Variants in MICAL2 observed in about 807,000 individuals in gnomAD.
MICAL2 encodes the protein microtubule associated monooxygenase, calponin and LIM domain containing 2.
MICAL2 carries 77 observed loss-of-function variants against 127.3 expected under a neutral mutation model. That is an observed-to-expected ratio of 0.60 (90% CI 0.50 to 0.73). The LOEUF (loss-of-function observed/expected upper bound fraction) is 0.73, where lower values mean the gene tolerates loss of function less well. Among genes scored for constraint, MICAL2 ranks in the 30% least tolerant of loss-of-function variants. The pLI is 0.00. For missense variants in MICAL2, 1,351 were observed against 1,434.4 expected, an observed-to-expected ratio of 0.94 and a Z score of 0.94; for synonymous variants, 570 against 551.1, an observed-to-expected ratio of 1.03 and a Z score of -0.48.
At chr11:12,223,150 T>C (rs2134291052) in intron 11 of MICAL2, among the ~76,000 whole-genome samples, 1 of 152,318 alleles carries the variant, frequency 6.6e-6, no homozygotes, top group East Asian at 1.9e-4. Flanking sequence ...CAGAAAATTG[T>C]GTGAATTTTT....
chr11:12,267,247 C>T (rs533301142), downstream of MICAL2, among the ~76,000 whole-genome samples: 1 of 152,202 alleles, frequency 6.6e-6, no homozygotes, highest in African/African-American at 2.4e-5. Flanking sequence ...TGCCCAGCTG[C>T]CCGCTTGCTC....
intron 2 of MICAL2, among the ~76,000 whole-genome samples, chr11:12,155,864 T>C (rs1005796438): frequency 1.3e-5 from 2 of 152,172 alleles, no homozygotes; most frequent in African/African-American, 4.8e-5. Context: ...CAGATGTTTC[T>C]TGATGCCAGG....
At position 12,208,129 on chromosome 11, in the gene MICAL2, A is replaced by G. The variant is rs1354654695; in HGVS notation, c.579A>G (p.Gln193=). 1 of 1,610,930 alleles carries G rather than the reference A, an allele frequency of 6.2e-7. No homozygotes were observed. The highest frequency in any genetic ancestry group is 8.5e-7 in the Non-Finnish European group (1 of 1,177,180). Residue 193 remains glutamine (Q), a synonymous_variant, in exon 5 of 28, where the codon CAA becomes CAG. Transcript: ENST00000683283. Reference sequence around the variant, plus strand: ...AGGTTCTAGAGCCTCCTGAAGATCAAGAAAATCAAAGTACAGTATAATTTT... The same window carrying G: ...AGGTTCTAGAGCCTCCTGAAGATCAGGAAAATCAAAGTACAGTATAATTTT... ...FVKVLEPPED[Q]ENQKIGWRAE... is the part of the protein sequence containing the mutation.
intron 1 of MICAL2, chr11:12,280,884 A>G (rs3993132): frequency 0.33 from 131,958 of 398,216 alleles, 24,535 homozygotes; most frequent in East Asian, 0.68. Context: ...GTGTTGGGGC[A>G]TGGGTTCCAG....
exon 35 of MICAL2, chr11:12,358,296 G>C (rs745793092): frequency 1.2e-6 from 2 of 1,611,742 alleles, no homozygotes; most frequent in African/African-American, 2.7e-5. Flanking sequence ...TTTCTTTAGA[G>C]AGCCAGAAAG....
intron 30 of MICAL2, among the ~76,000 whole-genome samples, chr11:12,322,757 T>C (rs540317927): frequency 2.8e-4 from 43 of 152,304 alleles, no homozygotes; most frequent in South Asian, 2.7e-3. Context: ...ACAAAAATCA[T>C]AATAGATTTT....
rs2134915253 is a variant in MICAL2, at chr11:12,358,051, C to T, written c.5690-244C>T. Reference sequence around the variant, plus strand: ...GGCTGGTATTAAATTCCTTTTCTTACAAAGGGGTTTTCCCTGTCGCTTTGT... The same window carrying T: ...GGCTGGTATTAAATTCCTTTTCTTATAAAGGGGTTTTCCCTGTCGCTTTGT... On this transcript the variant is annotated intron_variant, in intron 34 of 34. Coordinates refer to the MICAL2 transcript ENST00000646065. Among the ~76,000 whole-genome samples the T allele has an allele frequency of 2.0e-5, 3 of 152,196 alleles. No homozygotes were observed. In the South Asian group the frequency reaches 6.2e-4, roughly 32 times the overall value.
intron 1 of MICAL2, among the ~76,000 whole-genome samples, chr11:12,133,674 C>T (rs1851608652): frequency 6.6e-6 from 1 of 152,080 alleles, no homozygotes. Flanking sequence ...GTTTTACAGC[C>T]TGTTGGCTGG....
At chr11:12,136,550 A>C (rs1429761385) in intron 1 of MICAL2, among the ~76,000 whole-genome samples, 1 of 152,128 alleles carries the variant, frequency 6.6e-6, no homozygotes, top group African/African-American at 2.4e-5. Flanking sequence ...GGAGGGGGGC[A>C]GCTGAATGGG....
intron 33 of MICAL2, among the ~76,000 whole-genome samples, chr11:12,350,527 C>T (rs1484256320): frequency 6.6e-6 from 1 of 152,110 alleles, no homozygotes; most frequent in Non-Finnish European, 1.5e-5. Context: ...ATAAGTTGTG[C>T]TGGGTGCTTC....
Position 12,284,912 on chromosome 11 carries a change from A to T in MICAL2, c.255-2175A>T, listed in dbSNP as rs4757336. Among the ~76,000 whole-genome samples, 519 of 152,092 alleles carry T rather than the reference A, an allele frequency of 3.4e-3. 1 individual carries two copies. Among genetic ancestry groups the T allele is most frequent in the African/African-American group, 0.012 (485 of 41,446 alleles). On this transcript the variant is annotated intron_variant, in intron 2 of 2. Transcript: ENST00000529028. ...AGCGCCTCCAAATGTAACCACCCGA[A>T]GGGTTCTCCTTGCCTGCTGCCTAGA...
intron 32 of MICAL2, among the ~76,000 whole-genome samples, chr11:12,342,928 G>T (rs575929006): frequency 6.6e-6 from 1 of 152,314 alleles, no homozygotes; most frequent in South Asian, 2.1e-4. Context: ...CCGGGAGGGG[G>T]CAGGGAGCTG....
At chr11:12,351,369 A>C (rs1455356589) in intron 33 of MICAL2, among the ~76,000 whole-genome samples, 1 of 152,172 alleles carries the variant, frequency 6.6e-6, no homozygotes, top group Non-Finnish European at 1.5e-5. Context: ...GTCTGAAGAC[A>C]TTTTTGTTGT....
At chr11:12,284,752 G>C (rs561567326) in intron 2 of MICAL2, among the ~76,000 whole-genome samples, 5 of 152,286 alleles carry the variant, frequency 3.3e-5, no homozygotes, top group African/African-American at 1.2e-4. Context: ...GCAATTGGGG[G>C]GTGGGCTATT....
At chr11:12,291,707 T>A (rs751689507), downstream of MICAL2, among the ~76,000 whole-genome samples, 3 of 152,248 alleles carry the variant, frequency 2.0e-5, no homozygotes, top group Non-Finnish European at 4.4e-5. Context: ...CGTGGATGTC[T>A]ATCCTGTCTG....
chr11:12,270,935 C>A (rs1440350993), intron 24 of MICAL2, among the ~76,000 whole-genome samples: 4 of 152,156 alleles, frequency 2.6e-5, no homozygotes, highest in Non-Finnish European at 5.9e-5. Context: ...CCCGCAGAAC[C>A]AGGGAGTGCC....
At chr11:12,261,804 G>C in intron 26 of MICAL2, 3 of 985,710 alleles carry the variant, frequency 3.0e-6, no homozygotes, top group Non-Finnish European at 3.6e-6. Context: ...ACTGTTCTCA[G>C]TCCGATGACT....
chr11:12,336,078 C>T (rs1387100114), intron 32 of MICAL2, among the ~76,000 whole-genome samples: 2 of 152,140 alleles, frequency 1.3e-5, no homozygotes, highest in African/African-American at 4.8e-5. Flanking sequence ...ATTCTTCCTA[C>T]CCATGAGCAT....
intron 3 of MICAL2, among the ~76,000 whole-genome samples, chr11:12,168,304 C>A (rs949614227): frequency 6.6e-6 from 1 of 151,144 alleles, no homozygotes; most frequent in Admixed American, 6.6e-5. Context: ...ACACACCATA[C>A]ACACATACAT....
Sources: allele counts gnomAD v4.1 joint callset (sites outside exome capture counted in the v4.1 genomes callset), GRCh38; gene constraint gnomAD v4.1.1; transcripts MANE v1.5; gene names NCBI Gene and HGNC (gene_info 2026-07-23, HGNC 2026-07-21).